The following SF3B3 variants were observed in gnomAD, a reference collection of about 807,000 sequenced individuals.
The protein encoded by SF3B3 is SAP 130.
In SF3B3, 33 loss-of-function variants were observed where a neutral mutation model predicts 139.2. That is an observed-to-expected ratio of 0.24 (90% CI 0.18 to 0.32). SF3B3 has a LOEUF of 0.32. Among genes scored for constraint, SF3B3 ranks in the 10% least tolerant of loss-of-function variants. The pLI is 1.00. For missense variants in SF3B3, 818 were observed against 1,509.4 expected (o/e 0.54, Z 7.59); for synonymous variants, 596 against 563.6 (o/e 1.06, Z -0.81).
At chr16:70,535,194 T>C (rs2050155055) in intron 5 of SF3B3, 114 bp from the exon 6 acceptor site, 1 of 553,012 alleles carries the variant, frequency 1.8e-6, no homozygotes, top group African/African-American at 1.9e-5. Flanking sequence ...GAAATGTTTC[T>C]TAGCATCAGG....
At chr16:70,563,760 A>G in intron 17 of SF3B3, 116 bp from the exon 18 acceptor site, 1 of 940,232 alleles carries the variant, frequency 1.1e-6, no homozygotes, top group Non-Finnish European at 1.6e-6. Context: ...ATGTTGCCTA[A>G]TGCCAACGTT....
At chr16:70,548,938 G>C (rs866592798) in intron 11 of SF3B3, among the ~76,000 whole-genome samples, 1 of 152,240 alleles carries the variant, frequency 6.6e-6, no homozygotes, top group African/African-American at 2.4e-5. Flanking sequence ...TCGAATTTTA[G>C]TGTGAGTAGA....
chr16:70,565,465 G>T lies in SF3B3; in HGVS notation c.2767G>T (p.Gly923Cys), dbSNP rs764357323. 2 of 1,614,164 alleles carry T rather than the reference G, an allele frequency of 1.2e-6. No homozygotes were observed. Among genetic ancestry groups the T allele is most frequent in the Admixed American group, 3.3e-5 (2 of 60,014 alleles). ...LILNPRSVAGGFVYTYKLVNN... is the reference protein window; with the variant it reads ...LILNPRSVAGCFVYTYKLVNN... ...ACTAAACCCCCGATCTGTGGCAGGG[G>T]GCTTCGTCTATACTTACAAGCTTGT... The change falls in exon 20 of 26, where the codon GGC becomes TGC. Residue 923 changes from glycine to cysteine, a missense_variant. By Grantham distance (159) the Gly-to-Cys change is radical. Transcript: ENST00000302516.
chr16:70,567,091 T>C lies in SF3B3; in HGVS notation c.2827-320T>C, dbSNP rs147707516. 5.4e-4 allele frequency among the ~76,000 whole-genome samples: 82 copies of C among 152,138 alleles called. No individual in the cohort carries two copies. In the East Asian group the frequency reaches 0.015, roughly 27 times the overall value. ...AAGTCACTTTTCACTAGCATTTCTT[T>C]CCTGTCCCTCCACAAATTACAGTCA... On this transcript the variant is annotated intron_variant, in intron 20 of 25. Coordinates refer to ENST00000302516, the MANE Select transcript of SF3B3 (RefSeq NM_012426.5).
intron 1 of SF3B3, among the ~76,000 whole-genome samples, chr16:70,525,258 C>T (rs1002567241): frequency 1.3e-5 from 2 of 151,378 alleles, no homozygotes; most frequent in Non-Finnish European, 2.9e-5. Context: ...AATTCCTGAC[C>T]TCAAGTGACC....
Position 70,530,821 on chromosome 16 carries a change from G to A in SF3B3, c.474G>A (p.Leu158=). The A allele has an allele frequency of 6.2e-7, 1 of 1,614,020 alleles. No homozygotes were observed. Among genetic ancestry groups the A allele is most frequent in the Non-Finnish European group, 8.5e-7 (1 of 1,179,946 alleles). Residue 158 remains leucine (L), a synonymous_variant, in exon 4 of 26, where the codon CTG becomes CTA. Coordinates refer to ENST00000302516, the MANE Select transcript of SF3B3 (RefSeq NM_012426.5). The stretch of plus-strand genomic sequence containing the variant: ...CCCGACTTACCATTTCATCTCCCCT[G>A]GAAGCCCACAAAGCAAACACTTTAG... ...AAARLTISSP[L]EAHKANTLVY...
Position 70,575,034 on chromosome 16 carries a change from C to T in SF3B3, c.*3221C>T, listed in dbSNP as rs1017451677. 1 of 152,120 alleles carries T rather than the reference C, an allele frequency of 6.6e-6. No individual in the cohort carries two copies. The highest frequency in any genetic ancestry group is 1.9e-4 in the East Asian group (1 of 5,186). The allele number at this position is 152,120 out of a possible 1,614,324, so 9.4% of individuals were successfully genotyped here. A position where few individuals can be genotyped will look rare whatever the true frequency, so the allele number is the denominator to read the frequency against. ...GGACAAGATAGGGACTCTTAAAACACCTGCTTGGCCATGGTTGATTGACAT... is the reference window on the plus strand; with the variant it reads ...GGACAAGATAGGGACTCTTAAAACATCTGCTTGGCCATGGTTGATTGACAT... On this transcript the variant is annotated 3_prime_UTR_variant, in exon 26 of 26. Coordinates refer to ENST00000302516, the MANE Select transcript of SF3B3 (RefSeq NM_012426.5).
chr16:70,560,532 C>T lies in SF3B3; in HGVS notation c.2074C>T (p.Arg692Trp). The T allele has an allele frequency of 6.2e-7, 1 of 1,613,868 alleles. No homozygotes were observed. Among genetic ancestry groups the T allele is most frequent in the Non-Finnish European group, 8.5e-7 (1 of 1,179,842 alleles). The change falls in exon 16 of 26, where the codon CGG becomes TGG. Residue 692 changes from arginine (R) to tryptophan (W), a missense_variant. Around this residue, in one of 14 missense-constraint regions of SF3B3, gnomAD observed 170 missense variants for 353.0 expected, o/e 0.48. Transcript: ENST00000302516. ...TGGGGATTTGTCTGATACTCGCACT[C>T]GGTACCTGGGGTCCCGTCCTGTGAA... ...VTGDLSDTRT[R>W]YLGSRPVKLF... is the part of the protein sequence containing the mutation.
intron 1 of SF3B3, among the ~76,000 whole-genome samples, chr16:70,525,917 C>G (rs949264587): frequency 7.1e-6 from 1 of 140,282 alleles, no homozygotes; most frequent in Non-Finnish European, 1.5e-5. Flanking sequence ...GCCAAGATGG[C>G]GCCACTGCAC....
intron 17 of SF3B3, among the ~76,000 whole-genome samples, chr16:70,563,296 A>G (rs1455080086): frequency 2.0e-5 from 3 of 152,176 alleles, no homozygotes; most frequent in South Asian, 2.1e-4. Flanking sequence ...TAGAGAATAA[A>G]CTACAAATAA....
intron 7 of SF3B3, among the ~76,000 whole-genome samples, 192 bp from the exon 8 acceptor site, chr16:70,538,912 T>C (rs74026078): frequency 0.037 from 5,625 of 152,274 alleles, 362 homozygotes; most frequent in African/African-American, 0.13. Context: ...TCTCAATTAC[T>C]CAACTCTGCC....
rs1040825818 is a variant in SF3B3, at chr16:70,554,334, A to G, written c.1403-112A>G. ...GTATGTGTGTATGTGTGTAATAACT[A>G]CACATAGAAGAACTGCCTTGGAAGG... On this transcript the variant is annotated intron_variant, in intron 11 of 25. Transcript: ENST00000302516. 19 of 980,118 alleles carry G rather than the reference A, an allele frequency of 1.9e-5. No individual in the cohort carries two copies. The South Asian group carries it at 2.7e-4, about 14-fold the overall frequency. 60.7% of individuals were successfully genotyped at this position (980,118 alleles called of 1,614,324 possible).
At chr16:70,561,815 GGAAGC>G (rs1261675731) in intron 17 of SF3B3, 31 bp downstream of exon 17, 1 of 1,603,972 alleles carries the variant, frequency 6.2e-7, no homozygotes, top group Admixed American at 1.7e-5. Context: ...AAGCTCAGCA[GGAAGC>G]CTTTCTGCCA....
chr16:70,545,352 C>T lies in SF3B3; in HGVS notation c.1329+819C>T, dbSNP rs552050772. Among the ~76,000 whole-genome samples the T allele has an allele frequency of 4.6e-5, 7 of 152,346 alleles. No homozygotes were observed. In the East Asian group the frequency reaches 1.3e-3, roughly 29 times the overall value. ...AAAGTGCTGGGATCACAGCCGTGAG[C>T]CACCGCACCTGGCCAAGTAGCATAA... is the stretch of plus-strand genomic sequence containing the variant. On this transcript the variant is annotated intron_variant, in intron 10 of 25. Transcript: ENST00000302516.
rs530509061 is a variant in SF3B3, at chr16:70,547,670, C to G, written c.1330-700C>G. 3.9e-5 allele frequency among the ~76,000 whole-genome samples: 6 copies of G among 152,274 alleles called. No homozygotes were observed. In the South Asian group the frequency reaches 1.2e-3, roughly 32 times the overall value. ...GTGCAATGATGCAATCTCAGCTCAC[C>G]GCAACCTCCGCCTCCCGGGTTCAAG... On this transcript the variant is annotated intron_variant, in intron 10 of 25. Transcript: ENST00000302516.
At position 70,555,078 on chromosome 16, in the gene SF3B3, C is replaced by A; in HGVS notation, c.1582C>A (p.Arg528=). Residue 528 remains arginine (R), a synonymous_variant, in exon 13 of 26, where the codon CGA becomes AGA. Transcript: ENST00000302516. Reference sequence around the variant, plus strand: ...CTATCCAGATGGCATTCGGCACATACGAGCAGACAAGAGAGTCAATGAGTG... The same window carrying A: ...CTATCCAGATGGCATTCGGCACATAAGAGCAGACAAGAGAGTCAATGAGTG... The part of the protein sequence containing the change: ...QVYPDGIRHI[R]ADKRVNEWKT... The A allele has an allele frequency of 2.5e-6, 4 of 1,613,986 alleles. No individual in the cohort carries two copies. The highest frequency in any genetic ancestry group is 3.4e-6 in the Non-Finnish European group (4 of 1,179,932).
chr16:70,557,115 T>C lies in SF3B3; in HGVS notation c.2010+86T>C, dbSNP rs2050386179. ...TTTGTTTGATAACAGGGATTTTCTC[T>C]GCCCATGGTTTCAGATCCTCACCTT... On this transcript the variant is annotated intron_variant, in intron 15 of 25. Coordinates refer to ENST00000302516, the MANE Select transcript of SF3B3 (RefSeq NM_012426.5). 2.9e-6 allele frequency: 4 copies of C among 1,401,600 alleles called. No homozygotes were observed. The Admixed American group carries it at 1.0e-4, about 35-fold the overall frequency. 86.8% of individuals were successfully genotyped at this position (1,401,600 alleles called of 1,614,324 possible).
chr16:70,542,285 C>T (rs528084948), intron 9 of SF3B3, among the ~76,000 whole-genome samples: 10 of 152,102 alleles, frequency 6.6e-5, no homozygotes, highest in African/African-American at 2.4e-4. Context: ...TGTGGTTGAC[C>T]TCTTGTCATG....
chr16:70,543,964 C>G (rs1373274096), intron 9 of SF3B3, among the ~76,000 whole-genome samples: 1 of 151,958 alleles, frequency 6.6e-6, no homozygotes, highest in African/African-American at 2.4e-5. Flanking sequence ...AGCGATTTTC[C>G]CACCTCCGCC....
Sources: gnomAD v4.1 joint callset for allele counts (sites outside exome capture counted in the v4.1 genomes callset) on GRCh38, gnomAD v4.1.1 for gene constraint, gnomAD v4.1.1 regional missense constraint, MANE v1.5 for transcripts, NCBI Gene and HGNC (gene_info 2026-07-23, HGNC 2026-07-21) for gene names.